Variants in LY75 observed in about 807,000 individuals in gnomAD.
LY75 encodes the protein lymphocyte antigen 75.
In LY75, 185 loss-of-function variants were observed where a neutral mutation model predicts 231.7. That is an observed-to-expected ratio of 0.80 (90% CI 0.71 to 0.90). The LOEUF (loss-of-function observed/expected upper bound fraction) is 0.90, where lower values mean the gene tolerates loss of function less well. Among genes scored for constraint, LY75 ranks in the 40% least tolerant of loss-of-function variants. The probability of loss-of-function intolerance (pLI) is 0.00; values close to 1 mark genes in which losing one functional copy is unlikely to be tolerated. For synonymous variants in LY75, 668 were observed against 689.0 expected, an observed-to-expected ratio of 0.97 and a Z score of 0.48; for missense variants, 1,947 against 2,050.2, an observed-to-expected ratio of 0.95 and a Z score of 0.97.
rs767865798 is a variant in LY75, at chr2:159,835,628, A to G, written c.3525T>C (p.Gly1175=). The change falls in exon 26 of 35, where the codon GGT becomes GGC. Residue 1175 remains glycine, a synonymous_variant. Transcript: ENST00000263636. ...LFSQDDELNF[G]WSDGKRLHFS... ...AATGAAGACGTTTCCCATCTGACCAACCAAAGTTGAGTTCATCCTGTAAGG... is the reference window on the plus strand; with the variant it reads ...AATGAAGACGTTTCCCATCTGACCAGCCAAAGTTGAGTTCATCCTGTAAGG... The G allele has an allele frequency of 3.7e-6, 6 of 1,613,604 alleles. No homozygotes were observed. The South Asian group carries it at 5.5e-5, about 15-fold the overall frequency.
At chr2:159,852,413 T>G (rs1446008592) in intron 20 of LY75, 73 bp from the exon 21 acceptor site, 96 of 294,712 alleles carry the variant, frequency 3.3e-4, no homozygotes, top group South Asian at 1.5e-3. Context: ...GTTTTGTGTG[T>G]TTTTTTTTGT....
intron 12 of LY75, among the ~76,000 whole-genome samples, chr2:159,874,654 G>A (rs1375569537): frequency 1.6e-5 from 2 of 125,798 alleles, no homozygotes; most frequent in Non-Finnish European, 3.2e-5. Flanking sequence ...TATATATTTT[G>A]TAAATATATA....
intron 14 of LY75, among the ~76,000 whole-genome samples, chr2:159,863,735 A>G (rs903421658): frequency 6.6e-6 from 1 of 152,142 alleles, no homozygotes; most frequent in African/African-American, 2.4e-5. Flanking sequence ...GCCTACATGT[A>G]TGTTCCTGCC....
rs762337854 is a variant in LY75, at chr2:159,850,139, G to A, written c.2991C>T (p.Asp997=). ...LPSVLSQIEQ[D]FITSLLPDME... ...TATCCGGAAGCAAGGATGTAATAAAGTCTGTTAGAAAGAGATTTTTAAAAA... is the reference window on the plus strand; with the variant it reads ...TATCCGGAAGCAAGGATGTAATAAAATCTGTTAGAAAGAGATTTTTAAAAA... The change falls in exon 23 of 35, where the codon GAC becomes GAT. Residue 997 remains aspartate, a splice_region_variant and synonymous_variant. Coordinates refer to ENST00000263636, the MANE Select transcript of LY75 (RefSeq NM_002349.4). The A allele has an allele frequency of 6.2e-7, 1 of 1,601,344 alleles. No homozygotes were observed. Among genetic ancestry groups the A allele is most frequent in the East Asian group, 2.2e-5 (1 of 44,770 alleles).
intron 34 of LY75, among the ~76,000 whole-genome samples, chr2:159,806,098 T>A (rs1011564551): frequency 6.6e-6 from 1 of 152,254 alleles, no homozygotes; most frequent in Non-Finnish European, 1.5e-5. Flanking sequence ...GCTTCTTCCC[T>A]GGTTTCCTAA....
At position 159,889,285 on chromosome 2, in the gene LY75, G is replaced by A. The variant is rs1201824750; in HGVS notation, c.802+928C>T. 2.6e-5 allele frequency among the ~76,000 whole-genome samples: 4 copies of A among 152,074 alleles called. No homozygotes were observed. The East Asian group carries it at 7.7e-4, about 29-fold the overall frequency. The stretch of plus-strand genomic sequence containing the variant: ...CCTCTATCACTCAGGCTGGAGTGCA[G>A]TGATGCCATCATAGCTCTCTGCAGC... On this transcript the variant is annotated intron_variant, in intron 4 of 34. Coordinates refer to ENST00000263636, the MANE Select transcript of LY75 (RefSeq NM_002349.4).
chr2:159,816,181 C>T (rs1449648833), intron 30 of LY75, among the ~76,000 whole-genome samples: 1 of 152,040 alleles, frequency 6.6e-6, no homozygotes, highest in Non-Finnish European at 1.5e-5. Flanking sequence ...AATAGATAAC[C>T]ATTTTTTGTA....
At chr2:159,816,177 T>C (rs910167595) in intron 30 of LY75, among the ~76,000 whole-genome samples, 2 of 152,220 alleles carry the variant, frequency 1.3e-5, no homozygotes, top group African/African-American at 4.8e-5. Flanking sequence ...TCTCAATAGA[T>C]AACCATTTTT....
intron 12 of LY75, among the ~76,000 whole-genome samples, chr2:159,874,176 G>T (rs1459020701): frequency 2.9e-4 from 31 of 106,248 alleles, no homozygotes; most frequent in Non-Finnish European, 3.4e-4. Flanking sequence ...TATATATATT[G>T]TAAATATATA....
At chr2:159,810,929 A>G (rs545127327) in intron 31 of LY75, among the ~76,000 whole-genome samples, 1 of 152,388 alleles carries the variant, frequency 6.6e-6, no homozygotes, top group Non-Finnish European at 1.5e-5. Context: ...TAAAGTAGAA[A>G]CAATGAGAAA....
chr2:159,870,075 G>A (rs1684965309), intron 13 of LY75, among the ~76,000 whole-genome samples: 1 of 152,120 alleles, frequency 6.6e-6, no homozygotes, highest in African/African-American at 2.4e-5. Context: ...ATGGAACACA[G>A]GTATCATATT....
chr2:159,835,789 T>C (rs1298998610), intron 25 of LY75, 144 bp from the exon 26 acceptor site: 12 of 1,079,466 alleles, frequency 1.1e-5, no homozygotes, highest in Non-Finnish European at 1.5e-5. Flanking sequence ...TAACAAGCAT[T>C]GTTCTAAATG....
At chr2:159,812,207 T>C (rs1218854767) in intron 31 of LY75, 1 of 152,048 alleles carries the variant, frequency 6.6e-6, no homozygotes, top group Non-Finnish European at 1.5e-5. Context: ...TTGTTTCTAG[T>C]ATAGTCTGCA....
intron 1 of LY75, 121 bp downstream of exon 1, chr2:159,904,467 GC>G: frequency 8.9e-7 from 1 of 1,123,414 alleles, no homozygotes; most frequent in Non-Finnish European, 1.2e-6. Context: ...GAGCCCCCCC[GC>G]CCCAACAGCA....
chr2:159,849,430 A>G lies in LY75; in HGVS notation c.3150+550T>C, dbSNP rs78172163. On this transcript the variant is annotated intron_variant, in intron 23 of 34. Transcript: ENST00000263636. ...GGGGAAAAATGATCACCAGTTACCAATTTTGTACTTTTTGCCTCAGGAGAC... is the reference window on the plus strand; with the variant it reads ...GGGGAAAAATGATCACCAGTTACCAGTTTTGTACTTTTTGCCTCAGGAGAC... Among the ~76,000 whole-genome samples, 352 of 152,246 alleles carry G rather than the reference A, an allele frequency of 2.3e-3. 2 individuals are homozygous for G. The highest frequency in any genetic ancestry group is 7.9e-3 in the African/African-American group (329 of 41,558).
chr2:159,890,151 A>C (rs1685704852), intron 4 of LY75, 62 bp downstream of exon 4: 2 of 1,561,060 alleles, frequency 1.3e-6, no homozygotes, highest in Non-Finnish European at 1.7e-6. Flanking sequence ...ATATGAAAAC[A>C]GAAGAAGAAG....
intron 28 of LY75, among the ~76,000 whole-genome samples, chr2:159,828,858 C>A (rs1574535992): frequency 6.6e-6 from 1 of 151,970 alleles, no homozygotes; most frequent in Non-Finnish European, 1.5e-5. Context: ...GTGGATAAAC[C>A]TTAAAATCTT....
Position 159,819,901 on chromosome 2 carries a change from A to G in LY75, c.3978T>C (p.Phe1326=), listed in dbSNP as rs201328184. ...GTGTATATGACAGTGGGGTCTTATCAAACCACATAAGAGACTTATCTAGAG... is the reference window on the plus strand; with the variant it reads ...GTGTATATGACAGTGGGGTCTTATCGAACCACATAAGAGACTTATCTAGAG... ...ITYRNKSLMW[F]DKTPLSYTHW... The change falls in exon 29 of 35, where the codon TTT becomes TTC. Residue 1326 remains phenylalanine, a synonymous_variant. Coordinates refer to ENST00000263636, the MANE Select transcript of LY75 (RefSeq NM_002349.4). The G allele has an allele frequency of 6.2e-7, 1 of 1,602,090 alleles. No individual in the cohort carries two copies. The highest frequency in any genetic ancestry group is 8.5e-7 in the Non-Finnish European group (1 of 1,177,064).
chr2:159,827,957 G>C (rs1037901063), intron 28 of LY75, among the ~76,000 whole-genome samples: 4 of 152,160 alleles, frequency 2.6e-5, no homozygotes, highest in South Asian at 2.1e-4. Flanking sequence ...GGCCTGTCGG[G>C]GGGTAGGGGG....
Sources: gnomAD v4.1 joint callset for allele counts (sites outside exome capture counted in the v4.1 genomes callset) on GRCh38, gnomAD v4.1.1 for gene constraint, MANE v1.5 for transcripts, NCBI Gene and HGNC (gene_info 2026-07-23, HGNC 2026-07-21) for gene names.